The following KIF24 variants were observed in gnomAD, a reference collection of about 807,000 sequenced individuals.
The protein encoded by KIF24 is kinesin family member 24, also known as kinesin-like protein KIF24.
KIF24 carries 81 observed loss-of-function variants against 118.9 expected under a neutral mutation model. That is an observed-to-expected ratio of 0.68 (90% confidence interval 0.57 to 0.82). The LOEUF (loss-of-function observed/expected upper bound fraction) is 0.82. Ranked by LOEUF, KIF24 falls within the 40% of genes least tolerant of loss-of-function variation. KIF24 has a pLI of 0.00. For synonymous variants in KIF24, 599 were observed against 610.0 expected, an observed-to-expected ratio of 0.98 and a Z score of 0.27; for missense variants, 1,560 against 1,661.6, an observed-to-expected ratio of 0.94 and a Z score of 1.06.
chr9:34,287,782 G>A (rs928256624), intron 5 of KIF24, among the ~76,000 whole-genome samples: 19 of 152,020 alleles, frequency 1.2e-4, no homozygotes, highest in Non-Finnish European at 4.4e-5. Flanking sequence ...TGTAGTCCCA[G>A]CTATTCAGAA....
intron 6 of KIF24, among the ~76,000 whole-genome samples, chr9:34,283,016 CACTCCAGCGTGGGCG>C (rs1453238506): frequency 1.5e-5 from 2 of 133,744 alleles, no homozygotes; most frequent in South Asian, 2.3e-4. Context: ...CGAGCCATTG[CACTCCAGCGTGGGCG>C]ACAAGAGCAA....
At position 34,275,908 on chromosome 9, in the gene KIF24, C is replaced by A. The variant is rs1320907074; in HGVS notation, c.1216-3978G>T. On this transcript the variant is annotated intron_variant, in intron 6 of 12. Transcript: ENST00000402558. ...AGGCGAATACAAAGATTATCTCCAC[C>A]TAACAACCTCTTGAGTTTGTTCCTC... Among the ~76,000 whole-genome samples the A allele has an allele frequency of 2.0e-5, 3 of 152,188 alleles. No homozygotes were observed. The East Asian group carries it at 5.8e-4, about 29-fold the overall frequency.
At chr9:34,259,848 T>A (rs1317289003) in intron 9 of KIF24, 143 bp from the exon 10 acceptor site, 1 of 596,592 alleles carries the variant, frequency 1.7e-6, no homozygotes, top group Non-Finnish European at 3.0e-6. Flanking sequence ...AAAATACAAA[T>A]GGCCAATAAA....
Position 34,269,365 on chromosome 9 carries a change from A to G in KIF24, c.1338-3T>C. 1.3e-6 allele frequency: 2 copies of G among 1,514,926 alleles called. No individual in the cohort carries two copies. The highest frequency in any genetic ancestry group is 1.8e-6 in the Non-Finnish European group (2 of 1,093,020). 93.8% of individuals were successfully genotyped at this position (1,514,926 alleles called of 1,614,324 possible). A position where few individuals can be genotyped will look rare whatever the true frequency, so the allele number is the denominator to read the frequency against. On this transcript the variant is annotated splice_region_variant and splice_polypyrimidine_tract_variant and intron_variant, in intron 7 of 12. Transcript: ENST00000402558. The stretch of plus-strand genomic sequence containing the variant: ...CAGCCAAGTCAATAAAAGAGATCCT[A>G]GAGAAAAGACACAGCAGGAGTGACT...
chr9:34,319,511 T>A, intron 1 of KIF24: 1 of 1,278,604 alleles, frequency 7.8e-7, no homozygotes, highest in East Asian at 2.4e-5. Context: ...AGGACATCTA[T>A]GGGAGCAAGG....
chr9:34,317,844 A>G (rs566667528), intron 1 of KIF24, among the ~76,000 whole-genome samples: 2 of 152,354 alleles, frequency 1.3e-5, no homozygotes, highest in East Asian at 3.9e-4. Context: ...CCTTTAAGTG[A>G]AAGAATGAAA....
chr9:34,319,330 G>A (rs970181895), intron 1 of KIF24: 9 of 900,826 alleles, frequency 1.0e-5, no homozygotes, highest in Non-Finnish European at 1.7e-5. Flanking sequence ...CAAGCGGGTG[G>A]TGGAAGTTCC....
chr9:34,262,677 TATATATATATATATATATATA>T (rs1405738269), intron 9 of KIF24, among the ~76,000 whole-genome samples: 6 of 15,270 alleles, frequency 3.9e-4, no homozygotes, highest in African/African-American at 2.3e-3. Context: ...AAAAAAAAAA[TATATATATATATATATATATA>T]TATATATATA....
chr9:34,321,739 T>C (rs1385611674), intron 1 of KIF24, among the ~76,000 whole-genome samples: 1 of 151,802 alleles, frequency 6.6e-6, no homozygotes, highest in Non-Finnish European at 1.5e-5. Context: ...CCCAAGTAGC[T>C]GGGACTACAG....
At chr9:34,283,078 A>C (rs1414022966) in intron 6 of KIF24, among the ~76,000 whole-genome samples, 1 of 149,096 alleles carries the variant, frequency 6.7e-6, no homozygotes, top group Non-Finnish European at 1.5e-5. Context: ...AAAAAAAAGA[A>C]TATTATGGCC....
At position 34,311,121 on chromosome 9, in the gene KIF24, G is replaced by T. The variant is rs375357723; in HGVS notation, c.226C>A (p.Arg76Ser). The T allele has an allele frequency of 5.0e-6, 8 of 1,613,736 alleles. No homozygotes were observed. In the South Asian group the frequency reaches 8.8e-5, roughly 18 times the overall value. Residue 76 changes from arginine to serine, a missense_variant, in exon 2 of 13, where the codon CGT (arginine) becomes AGT (serine). Coordinates refer to ENST00000402558, the MANE Select transcript of KIF24 (RefSeq NM_194313.4). Reference protein sequence around the residue: ...EEDKAVSIPERHLQTSSLRIK... With the variant: ...EEDKAVSIPESHLQTSSLRIK... ...CGCAGGCTGCTTGTCTGAAGATGAC[G>T]CTCTGGGATACTGACTGCTTTATCT...
intron 1 of KIF24, among the ~76,000 whole-genome samples, chr9:34,313,742 T>G (rs7465781): frequency 1.3e-4 from 18 of 142,282 alleles, no homozygotes; most frequent in African/African-American, 5.5e-4. Context: ...TTATCTGTTT[T>G]TTTTTTTTTG....
intron 7 of KIF24, 68 bp downstream of exon 7, chr9:34,271,741 G>T: frequency 6.4e-7 from 1 of 1,563,390 alleles, no homozygotes; most frequent in Non-Finnish European, 8.7e-7. Context: ...CTGTTGTTGA[G>T]AAAACATACT....
At chr9:34,299,709 G>A (rs190390628) in intron 3 of KIF24, among the ~76,000 whole-genome samples, 38 of 151,968 alleles carry the variant, frequency 2.5e-4, no homozygotes, top group African/African-American at 8.7e-4. Context: ...TTCAAAATAG[G>A]TGAATCTATC....
chr9:34,311,063 C>A lies in KIF24; in HGVS notation c.284G>T (p.Arg95Leu). The A allele has an allele frequency of 6.2e-7, 1 of 1,613,818 alleles. No individual in the cohort carries two copies. The highest frequency in any genetic ancestry group is 1.7e-4 in the Middle Eastern group (1 of 6,060). ...AGGAGAATCAAAATTCAGCTGTCTG[C>A]GAGGGCCAGATCTTAATTCCTGAGA... ...IKSQELRSGP[R>L]RQLNFDSPAD... The change falls in exon 2 of 13, where the codon CGC (arginine) becomes CTC (leucine). Residue 95 changes from arginine (R) to leucine (L), a missense_variant. Physicochemically the swap from Arg to Leu is moderately radical, Grantham distance 102. Transcript: ENST00000402558.
chr9:34,255,872 G>A lies in KIF24; in HGVS notation c.3735C>T (p.Pro1245=), dbSNP rs755754122. The A allele has an allele frequency of 3.1e-6, 5 of 1,613,892 alleles. No homozygotes were observed. The highest frequency in any genetic ancestry group is 3.4e-6 in the Non-Finnish European group (4 of 1,179,894). The change falls in exon 11 of 13, where the codon CCC becomes CCT. Residue 1245 remains proline, a synonymous_variant. Coordinates refer to ENST00000402558, the MANE Select transcript of KIF24 (RefSeq NM_194313.4). ...GCCATGTGACATTTTCACTGTTGCAGGGCAACTTGATGGGGTCTGTGGACA... is the reference window on the plus strand; with the variant it reads ...GCCATGTGACATTTTCACTGTTGCAAGGCAACTTGATGGGGTCTGTGGACA... ...FGLSTDPIKL[P]CNSENVTWLK...
At position 34,255,933 on chromosome 9, in the gene KIF24, T is replaced by G; in HGVS notation, c.3674A>C (p.Lys1225Thr). 6.2e-7 allele frequency: 1 copy of G among 1,614,004 alleles called. No individual in the cohort carries two copies. Among genetic ancestry groups the G allele is most frequent in the Non-Finnish European group, 8.5e-7 (1 of 1,179,884 alleles). The change falls in exon 11 of 13, where the codon AAA becomes ACA. Residue 1225 changes from lysine to threonine, a missense_variant. Physicochemically the swap from Lys to Thr is moderately conservative, Grantham distance 78. This residue lies in a region of KIF24 where 591 missense variants were observed against 655.6 expected (regional missense o/e 0.90). Coordinates refer to ENST00000402558, the MANE Select transcript of KIF24 (RefSeq NM_194313.4). ...VADQLWAQER[K>T]HPTRLGWQEF... is the part of the protein sequence containing the mutation. ...CTGCCAACCAAGCCTTGTAGGATGT[T>G]TTCTCTCCTGGGCCCAGAGCTGGTC...
chr9:34,327,564 G>A (rs776810322), intron 1 of KIF24, among the ~76,000 whole-genome samples: 25 of 152,048 alleles, frequency 1.6e-4, no homozygotes, highest in Non-Finnish European at 2.4e-4. Context: ...GCTTTGTACG[G>A]GGTGAACACT....
At chr9:34,297,555 G>C (rs1053880102) in intron 3 of KIF24, among the ~76,000 whole-genome samples, 4 of 152,284 alleles carry the variant, frequency 2.6e-5, no homozygotes, top group African/African-American at 9.6e-5. Context: ...AAGGTCAGGA[G>C]ATCGAGACCA....
Sources: gnomAD v4.1 joint callset for allele counts (sites outside exome capture counted in the v4.1 genomes callset) on GRCh38, gnomAD v4.1.1 for gene constraint, gnomAD v4.1.1 regional missense constraint, MANE v1.5 for transcripts, NCBI Gene and HGNC (gene_info 2026-07-23, HGNC 2026-07-21) for gene names.